Variants in ANK3 observed in about 807,000 individuals in gnomAD.
The protein encoded by ANK3 is ankyrin-3.
ANK3 carries 57 observed loss-of-function variants against 370.9 expected under a neutral mutation model. The observed-to-expected ratio is 0.15, with a 90% CI of 0.12 to 0.19. The LOEUF (loss-of-function observed/expected upper bound fraction) is 0.19, where lower values mean the gene tolerates loss of function less well. Among genes scored for constraint, ANK3 ranks in the 10% least tolerant of loss-of-function variants. The pLI is 1.00. For synonymous variants in ANK3, 1,929 were observed against 1,946.3 expected, an observed-to-expected ratio of 0.99 and a Z score of 0.23; for missense variants, 4,439 against 5,302.1, an observed-to-expected ratio of 0.84 and a Z score of 5.06.
At chr10:60,545,428 G>T (rs1244214642) in intron 2 of ANK3, among the ~76,000 whole-genome samples, 2 of 124,064 alleles carry the variant, frequency 1.6e-5, no homozygotes, top group African/African-American at 5.7e-5. Context: ...AAATTCTGTG[G>T]TTCTAATCAA....
rs547547044 is a variant in ANK3 at position 60,510,534 on chromosome 10, G to A, written c.96+104652C>T. On this transcript the variant is annotated intron_variant, in intron 2 of 43. Transcript: ENST00000373827. ...AAACAGATTTAGAAATGTAGCGTCA[G>A]AGCATGGCACAGTAGCTCACGCCTA... is the stretch of plus-strand genomic sequence containing the variant. Among the ~76,000 whole-genome samples the A allele has an allele frequency of 6.6e-5, 10 of 152,238 alleles. No homozygotes were observed. The East Asian group carries it at 1.7e-3, about 27-fold the overall frequency.
chr10:60,632,629 A>G (rs10994440), intron 1 of ANK3, among the ~76,000 whole-genome samples: 17,120 of 152,050 alleles, frequency 0.11, 1,414 homozygotes, highest in East Asian at 0.26. Flanking sequence ...GTTCATGCCT[A>G]TGGTCCCAGC....
At chr10:60,313,216 C>T (rs2046713177) in intron 1 of ANK3, among the ~76,000 whole-genome samples, 1 of 152,188 alleles carries the variant, frequency 6.6e-6, no homozygotes, top group African/African-American at 2.4e-5. Context: ...TTGTTAGGGT[C>T]AACACCACTG....
At chr10:60,699,739 A>T (rs1021730122) in intron 1 of ANK3, among the ~76,000 whole-genome samples, 2 of 152,138 alleles carry the variant, frequency 1.3e-5, no homozygotes, top group Non-Finnish European at 2.9e-5. Flanking sequence ...GCTCTCAAAG[A>T]TCTTAGTTCA....
chr10:60,265,169 G>C (rs1247300005), intron 5 of ANK3, among the ~76,000 whole-genome samples: 1 of 151,854 alleles, frequency 6.6e-6, no homozygotes, highest in African/African-American at 2.4e-5. Context: ...TACTAACTCT[G>C]TTAATCAAGT....
At chr10:60,059,557 G>A (rs1347090647) in intron 40 of ANK3, 127 bp from the exon 41 acceptor site, 3 of 1,245,798 alleles carry the variant, frequency 2.4e-6, no homozygotes, top group Non-Finnish European at 3.5e-6. Flanking sequence ...AGAGATTTGA[G>A]TTTCTCTTCC....
intron 4 of ANK3, among the ~76,000 whole-genome samples, chr10:60,272,492 T>G (rs1320386584): frequency 1.3e-5 from 2 of 151,864 alleles, no homozygotes; most frequent in African/African-American, 4.9e-5. Context: ...TTGTTTTTTT[T>G]TTGTTGAGAC....
At chr10:60,480,732 T>C (rs999795199) in intron 2 of ANK3, among the ~76,000 whole-genome samples, 3 of 152,232 alleles carry the variant, frequency 2.0e-5, no homozygotes, top group African/African-American at 7.2e-5. Flanking sequence ...TTGGTAGTTT[T>C]ATCTGCGAAC....
intron 1 of ANK3, among the ~76,000 whole-genome samples, chr10:60,322,919 C>T (rs1188127672): frequency 1.3e-5 from 2 of 152,108 alleles, no homozygotes; most frequent in African/African-American, 4.8e-5. Flanking sequence ...TCTTCATTTA[C>T]TGAGACAGGC....
At chr10:60,478,915 A>G (rs563172838) in intron 2 of ANK3, among the ~76,000 whole-genome samples, 1 of 152,192 alleles carries the variant, frequency 6.6e-6, no homozygotes, top group South Asian at 2.1e-4. Flanking sequence ...AAAAGTATAT[A>G]TTATAATGCT....
intron 1 of ANK3, among the ~76,000 whole-genome samples, chr10:60,347,535 T>C (rs2055871436): frequency 1.3e-5 from 2 of 152,026 alleles, no homozygotes; most frequent in Non-Finnish European, 2.9e-5. Flanking sequence ...TGTTTCCTCA[T>C]CTGTAAAATG....
rs55791354 is a variant in ANK3 at position 60,292,713 on chromosome 10, C to CTT, written c.115-13076_115-13075dup. Among the ~76,000 whole-genome samples the CTT allele has an allele frequency of 5.8e-3, 810 of 138,922 alleles. 8 individuals carry two copies. The highest frequency in any genetic ancestry group is 0.018 in the African/African-American group (657 of 37,426). The allele number at this position is 138,922 out of a possible 152,430, so 91.1% of individuals were successfully genotyped here. Reference sequence around the variant, plus strand: ...GCCACTGGGGTCCTAGACTTTCTTTCTTTTTTTTTTTTTTTGACGGAGTCT... The same window carrying CTT: ...GCCACTGGGGTCCTAGACTTTCTTTCTTTTTTTTTTTTTTTTTGACGGAGTCT... On this transcript the variant is annotated intron_variant, in intron 1 of 43. Transcript: ENST00000280772.
At chr10:60,145,495 C>A (rs1213761482) in intron 23 of ANK3, among the ~76,000 whole-genome samples, 1 of 152,116 alleles carries the variant, frequency 6.6e-6, no homozygotes, top group Non-Finnish European at 1.5e-5. Context: ...AGAATCAGAT[C>A]AATTATAATT....
chr10:60,493,341 G>A (rs1207613526), intron 2 of ANK3, among the ~76,000 whole-genome samples: 1 of 152,028 alleles, frequency 6.6e-6, no homozygotes, highest in Non-Finnish European at 1.5e-5. Context: ...GAGTGGAGAT[G>A]GAGAGATCAG....
At chr10:60,569,052 A>AG (rs34963596) in intron 2 of ANK3, among the ~76,000 whole-genome samples, 71,364 of 151,860 alleles carry the variant, frequency 0.47, 17,154 homozygotes, top group Non-Finnish European at 0.52. Context: ...AGTCTATTGT[A>AG]TTTTTTTAAT....
chr10:60,184,531 T>C (rs1265452563), intron 17 of ANK3, among the ~76,000 whole-genome samples: 3 of 152,240 alleles, frequency 2.0e-5, no homozygotes, highest in African/African-American at 4.8e-5. Flanking sequence ...GTTGATCTTT[T>C]AGAATTCCTT....
intron 2 of ANK3, among the ~76,000 whole-genome samples, chr10:60,524,298 C>T (rs563176875): frequency 2.0e-5 from 3 of 152,094 alleles, no homozygotes; most frequent in Admixed American, 6.6e-5. Context: ...CAACCTGGAA[C>T]CTGGCTATGA....
chr10:60,045,788 GT>G (rs1254388416), intron 42 of ANK3, among the ~76,000 whole-genome samples: 2 of 152,200 alleles, frequency 1.3e-5, no homozygotes, highest in African/African-American at 4.8e-5. Flanking sequence ...CCAGCCAATG[GT>G]GAGAACATTC....
At chr10:60,134,222 T>C in intron 25 of ANK3, 49 bp downstream of exon 25, 1 of 1,429,488 alleles carries the variant, frequency 7.0e-7, no homozygotes, top group South Asian at 1.2e-5. Context: ...GATTAAATCA[T>C]ACAAATGTAA....
Sources: gnomAD v4.1 joint callset for allele counts (sites outside exome capture counted in the v4.1 genomes callset) on GRCh38, gnomAD v4.1.1 for gene constraint, MANE v1.5 for transcripts, NCBI Gene and HGNC (gene_info 2026-07-23, HGNC 2026-07-21) for gene names.